Variants in SPECC1L observed in about 807,000 individuals in gnomAD.
The protein encoded by SPECC1L is sperm antigen with calponin homology and coiled-coil domains 1 like.
SPECC1L carries 40 observed loss-of-function variants against 116.8 expected under a neutral mutation model. The observed-to-expected ratio is 0.34, with a 90% CI of 0.27 to 0.45. The LOEUF is 0.45. Among genes scored for constraint, SPECC1L ranks in the 20% least tolerant of loss-of-function variants. The probability of loss-of-function intolerance (pLI) is 1.00; values close to 1 mark genes in which losing one functional copy is unlikely to be tolerated. For missense variants in SPECC1L, 1,110 were observed against 1,373.6 expected (o/e 0.81, Z 3.03); for synonymous variants, 504 against 500.6 (o/e 1.01, Z -0.09).
intron 1 of SPECC1L, among the ~76,000 whole-genome samples, chr22:24,272,681 AC>A (rs1240609730): frequency 1.3e-5 from 2 of 151,860 alleles, no homozygotes; most frequent in African/African-American, 4.8e-5. Flanking sequence ...AAAAAAAAAA[AC>A]AGCTATTACA....
rs1315682982 is a variant in SPECC1L, at chr22:24,416,610, A to G, written c.*1987A>G. 1.3e-5 allele frequency: 2 copies of G among 152,124 alleles called. No individual in the cohort carries two copies. The highest frequency in any genetic ancestry group is 2.4e-5 in the African/African-American group (1 of 41,390). 9.4% of individuals were successfully genotyped at this position (152,124 alleles called of 1,614,324 possible). ...CAGCTGTCTGGTCATGGTTTGGTTTATTTATTTTGTCCTTCAGGGGCTGTT... is the reference window on the plus strand; with the variant it reads ...CAGCTGTCTGGTCATGGTTTGGTTTGTTTATTTTGTCCTTCAGGGGCTGTT... On this transcript the variant is annotated 3_prime_UTR_variant, in exon 17 of 17. Transcript: ENST00000314328.
intron 14 of SPECC1L, among the ~76,000 whole-genome samples, chr22:24,388,722 T>C (rs965405500): frequency 2.0e-5 from 3 of 152,142 alleles, no homozygotes; most frequent in Non-Finnish European, 2.9e-5. Flanking sequence ...GCCATGTAAA[T>C]AAACATGTTC....
At chr22:24,352,007 C>A (rs1248709328) in intron 11 of SPECC1L, among the ~76,000 whole-genome samples, 3 of 151,992 alleles carry the variant, frequency 2.0e-5, no homozygotes, top group Non-Finnish European at 4.4e-5. Context: ...AAAGATGCTG[C>A]CTCTTGCTCT....
intron 4 of SPECC1L, among the ~76,000 whole-genome samples, chr22:24,317,514 C>T (rs1402941832): frequency 3.5e-5 from 4 of 115,782 alleles, no homozygotes; most frequent in Admixed American, 2.8e-4. Context: ...CCGGACGGGG[C>T]GGCTGGCCAG....
chr22:24,405,206 C>T (rs984507048), intron 14 of SPECC1L, among the ~76,000 whole-genome samples: 6 of 152,186 alleles, frequency 3.9e-5, no homozygotes, highest in African/African-American at 1.4e-4. Context: ...GAACTTCCAG[C>T]AGCTGGGATT....
chr22:24,383,911 C>G (rs1224014328), intron 14 of SPECC1L, among the ~76,000 whole-genome samples: 1 of 147,918 alleles, frequency 6.8e-6, no homozygotes, highest in Non-Finnish European at 1.5e-5. Flanking sequence ...CCTGGGCCCC[C>G]CAAAGTGCTG....
chr22:24,281,286 C>T (rs2048938282), intron 2 of SPECC1L, among the ~76,000 whole-genome samples: 1 of 152,134 alleles, frequency 6.6e-6, no homozygotes, highest in African/African-American at 2.4e-5. Flanking sequence ...CAACAATTAT[C>T]AGTCCTAGGT....
At chr22:24,407,133 G>A (rs535438669) in intron 14 of SPECC1L, among the ~76,000 whole-genome samples, 68 of 152,350 alleles carry the variant, frequency 4.5e-4, no homozygotes, top group African/African-American at 1.6e-3. Context: ...TGGCCTGGCT[G>A]CTCTCCAAAC....
intron 2 of SPECC1L, among the ~76,000 whole-genome samples, chr22:24,288,614 G>GTTT (rs1569405165): frequency 2.4e-5 from 2 of 81,836 alleles, no homozygotes; most frequent in African/African-American, 5.1e-5. Context: ...AAAATTTTAA[G>GTTT]CTTTTTTTTT....
At chr22:24,302,152 C>CG (rs2049393977) in intron 2 of SPECC1L, 43 bp from the exon 3 acceptor site, 1 of 1,444,686 alleles carries the variant, frequency 6.9e-7, no homozygotes, top group African/African-American at 1.4e-5. Flanking sequence ...AAAGCGCTTC[C>CG]TTCCAGTTAT....
chr22:24,365,354 A>G (rs1479921273), intron 12 of SPECC1L, 122 bp from the exon 13 acceptor site: 7 of 852,108 alleles, frequency 8.2e-6, no homozygotes, highest in African/African-American at 5.1e-5. Flanking sequence ...CCAGTTATCA[A>G]TATTAGTTTT....
intron 14 of SPECC1L, among the ~76,000 whole-genome samples, chr22:24,383,896 G>A (rs777600730): frequency 1.4e-5 from 2 of 138,060 alleles, no homozygotes; most frequent in Non-Finnish European, 3.0e-5. Flanking sequence ...CAGGTGATCC[G>A]CCCACCTGGG....
At chr22:24,390,562 G>T (rs974380621) in intron 14 of SPECC1L, among the ~76,000 whole-genome samples, 1 of 152,096 alleles carries the variant, frequency 6.6e-6, no homozygotes, top group African/African-American at 2.4e-5. Context: ...TATACAGAAA[G>T]ATCTTATTGT....
chr22:24,350,926 CT>C (rs2041408476), intron 11 of SPECC1L, among the ~76,000 whole-genome samples: 1 of 152,204 alleles, frequency 6.6e-6, no homozygotes, highest in South Asian at 2.1e-4. Flanking sequence ...GGAGAGACCC[CT>C]ATCAGAGGGC....
intron 14 of SPECC1L, among the ~76,000 whole-genome samples, chr22:24,376,755 A>G (rs2041978663): frequency 6.6e-6 from 1 of 152,274 alleles, no homozygotes; most frequent in East Asian, 1.9e-4. Context: ...GAATACTGGC[A>G]GTTTCAAGTT....
At chr22:24,381,641 T>C (rs9624466) in intron 14 of SPECC1L, among the ~76,000 whole-genome samples, 34,756 of 152,052 alleles carry the variant, frequency 0.23, 4,131 homozygotes, top group Non-Finnish European at 0.26. Flanking sequence ...TCCCAGCACT[T>C]TGGGAGGCCG....
intron 14 of SPECC1L, among the ~76,000 whole-genome samples, chr22:24,398,251 G>A (rs2042404630): frequency 6.6e-6 from 1 of 152,212 alleles, no homozygotes. Flanking sequence ...AAGAGGACAG[G>A]ATGTGTTGAG....
chr22:24,378,165 A>G (rs190950865), intron 14 of SPECC1L, among the ~76,000 whole-genome samples: 1 of 152,364 alleles, frequency 6.6e-6, no homozygotes, highest in African/African-American at 2.4e-5. Flanking sequence ...AGCACTTGCT[A>G]GCTTCGCCTT....
At chr22:24,409,330 ATGAAAG>A (rs2042648713) in intron 14 of SPECC1L, among the ~76,000 whole-genome samples, 1 of 152,188 alleles carries the variant, frequency 6.6e-6, no homozygotes, top group South Asian at 2.1e-4. Flanking sequence ...GCGTGAAATA[ATGAAAG>A]TGGGACATGG....
Sources: gnomAD v4.1 joint callset for allele counts (sites outside exome capture counted in the v4.1 genomes callset) on GRCh38, gnomAD v4.1.1 for gene constraint, MANE v1.5 for transcripts, NCBI Gene and HGNC (gene_info 2026-07-23, HGNC 2026-07-21) for gene names.